The following PFKFB2 variants were observed in gnomAD, a reference collection of about 807,000 sequenced individuals.
PFKFB2 encodes 6-phosphofructo-2-kinase/fructose-2,6-biphosphatase 2.
Under a neutral mutation model 68.0 loss-of-function variants are expected in PFKFB2, and 53 were observed. The observed-to-expected ratio is 0.78, with a 90% CI of 0.63 to 0.98. The LOEUF is 0.98. PFKFB2 is among the 50% of genes least tolerant of loss of function. The pLI is 0.00. For synonymous variants in PFKFB2, 222 were observed against 227.6 expected (o/e 0.98, Z 0.22); for missense variants, 451 against 642.0 (o/e 0.70, Z 3.22).
intron 2 of PFKFB2, 35 bp from the exon 3 acceptor site, chr1:207,061,918 G>A (rs771938973): frequency 6.3e-7 from 1 of 1,582,690 alleles, no homozygotes; most frequent in South Asian, 1.1e-5. Context: ...TAGGACTCTA[G>A]TCATTTCGTT....
At chr1:207,071,706 T>C in intron 14 of PFKFB2, 133 bp downstream of exon 14, 1 of 656,654 alleles carries the variant, frequency 1.5e-6, no homozygotes, top group South Asian at 1.9e-5. Flanking sequence ...CAAATGTAGT[T>C]TGCTACGTCT....
downstream of PFKFB2, chr1:207,079,048 C>T (rs907408412): frequency 1.3e-6 from 2 of 1,572,438 alleles, no homozygotes; most frequent in African/African-American, 1.3e-5. Flanking sequence ...CTCACCTCTC[C>T]AAACGACTGG....
At chr1:207,049,747 G>A (rs766907817), upstream of PFKFB2, 26 of 1,578,992 alleles carry the variant, frequency 1.6e-5, no homozygotes, top group Middle Eastern at 1.7e-4. Flanking sequence ...AACAAATCCC[G>A]ATCTGCAAAG....
chr1:207,035,459 G>A (rs1682357221), intron 1 of PFKFB2, among the ~76,000 whole-genome samples: 1 of 152,152 alleles, frequency 6.6e-6, no homozygotes, highest in African/African-American at 2.4e-5. Context: ...TTGGAGACCA[G>A]CCTGGGCAAC....
chr1:207,047,687 G>A (rs1682632116), intron 2 of PFKFB2: 1 of 152,630 alleles, frequency 6.6e-6, no homozygotes, highest in Non-Finnish European at 1.5e-5. Context: ...TAGAGGGTGT[G>A]CCTTGCGGAT....
At chr1:207,052,259 AT>A (rs748199667), upstream of PFKFB2, 1,490 of 1,576,526 alleles carry the variant, frequency 9.5e-4, 1 homozygote, top group Non-Finnish European at 1.1e-3. Flanking sequence ...TCATGACTCA[AT>A]TTTTTTTTGC....
In PFKFB2 at chr1:207,075,940, AG is replaced by A; in HGVS notation, c.*3572del. The A allele has an allele frequency of 1.0e-6, 1 of 985,326 alleles. No homozygotes were observed. The highest frequency in any genetic ancestry group is 1.2e-6 in the Non-Finnish European group (1 of 829,826). The allele number at this position is 985,326 out of a possible 1,614,324, so 61.0% of individuals were successfully genotyped here. A position where few individuals can be genotyped will look rare whatever the true frequency, so the allele number is the denominator to read the frequency against. ...CTGTATTGTTGTTTTGTTTTGGTAA[AG>A]GGATGATTTTTACATTGAGTTTTAA... On this transcript the variant is annotated 3_prime_UTR_variant, in exon 15 of 15. Coordinates refer to ENST00000367080, the MANE Select transcript of PFKFB2 (RefSeq NM_006212.2).
intron 1 of PFKFB2, among the ~76,000 whole-genome samples, chr1:207,039,395 G>T (rs1247451311): frequency 6.6e-6 from 1 of 152,126 alleles, no homozygotes; most frequent in African/African-American, 2.4e-5. Flanking sequence ...CTACATAACA[G>T]ACTCTAAAAA....
At chr1:207,061,171 A>ATCTT (rs1193954379) in intron 2 of PFKFB2, among the ~76,000 whole-genome samples, 1 of 58,718 alleles carries the variant, frequency 1.7e-5, no homozygotes, top group African/African-American at 1.0e-4. Flanking sequence ...ATCTTTATAT[A>ATCTT]TATATATATA....
intron 10 of PFKFB2, among the ~76,000 whole-genome samples, chr1:207,068,996 T>C (rs1683388315): frequency 6.6e-6 from 1 of 152,192 alleles, no homozygotes; most frequent in South Asian, 2.1e-4. Flanking sequence ...CCACCCGCCT[T>C]GGCCACCCAA....
intron 8 of PFKFB2, among the ~76,000 whole-genome samples, chr1:207,066,470 C>A (rs1683290948): frequency 1.3e-5 from 2 of 152,128 alleles, no homozygotes; most frequent in African/African-American, 4.8e-5. Flanking sequence ...AGGCTGAAAA[C>A]CACCTCTAGA....
rs1683575266 is a variant in PFKFB2 at position 207,074,687 on chromosome 1, C to T, written c.*2316C>T. ...CTTAGTGTCTTTGTGGAGCTTTGGG[C>T]TGGTAGGGGCAGGGATAGGGGAAAG... is the stretch of plus-strand genomic sequence containing the variant. On this transcript the variant is annotated 3_prime_UTR_variant, in exon 15 of 15. Transcript: ENST00000367080. The T allele has an allele frequency of 1.0e-6, 1 of 985,324 alleles. No individual in the cohort carries two copies. Among genetic ancestry groups the T allele is most frequent in the African/African-American group, 1.7e-5 (1 of 57,326 alleles). The allele number at this position is 985,324 out of a possible 1,614,324, so 61.0% of individuals were successfully genotyped here.
chr1:207,053,903 C>CTT (rs1682831521), intron 1 of PFKFB2, among the ~76,000 whole-genome samples: 2 of 114,838 alleles, frequency 1.7e-5, no homozygotes, highest in Admixed American at 9.2e-5. Flanking sequence ...TTTCATTTTT[C>CTT]ATTTTTTTTT....
chr1:207,079,677 A>G (rs1683714132), downstream of PFKFB2: 2 of 152,260 alleles, frequency 1.3e-5, no homozygotes, highest in African/African-American at 4.8e-5. Context: ...CAAAATGGGT[A>G]CCCATCTTCT....
chr1:207,049,203 A>G, upstream of PFKFB2: 1 of 1,614,114 alleles, frequency 6.2e-7, no homozygotes, highest in Non-Finnish European at 8.5e-7. Context: ...TATCATCATT[A>G]GAGGAGAAAA....
At chr1:207,038,915 A>G (rs1682429917) in intron 1 of PFKFB2, among the ~76,000 whole-genome samples, 1 of 152,220 alleles carries the variant, frequency 6.6e-6, no homozygotes, top group Non-Finnish European at 1.5e-5. Context: ...AATGTTTATT[A>G]AATGAATTAA....
Position 207,063,490 on chromosome 1 carries a change from T to C in PFKFB2, c.450+69T>C. The C allele has an allele frequency of 9.7e-7, 1 of 1,033,474 alleles. No individual in the cohort carries two copies. The highest frequency in any genetic ancestry group is 1.5e-6 in the Non-Finnish European group (1 of 665,156). The allele number at this position is 1,033,474 out of a possible 1,614,324, so 64.0% of individuals were successfully genotyped here. ...TGGGGAGTCAGGCTACAGGCATGGATCTCTCACTCTAGTGGGTGAGGACAG... is the reference window on the plus strand; with the variant it reads ...TGGGGAGTCAGGCTACAGGCATGGACCTCTCACTCTAGTGGGTGAGGACAG... On this transcript the variant is annotated intron_variant, in intron 6 of 14. Transcript: ENST00000367080. This position sits in a 1 kb window ranked among gnomAD's most constrained non-coding sequence, Gnocchi z 4.1.
At position 207,042,549 on chromosome 1, in the gene PFKFB2, C is replaced by CAAAAAAAAAA. The variant is rs57077682; in HGVS notation, c.-18+360_-18+369dup. ...GGCGACACAGCAACACTCTGTCTCA[C>CAAAAAAAAAA]AAAAAAAAAAAAAAAAAAAAAAAAA... On this transcript the variant is annotated intron_variant, in intron 2 of 5. Transcript: ENST00000545806. Among the ~76,000 whole-genome samples the CAAAAAAAAAA allele has an allele frequency of 4.8e-3, 213 of 44,702 alleles. 41 individuals carry two copies. Among genetic ancestry groups the CAAAAAAAAAA allele is most frequent in the Non-Finnish European group, 5.2e-3 (122 of 23,620 alleles). The allele number at this position is 44,702 out of a possible 152,430, so 29.3% of individuals were successfully genotyped here.
intron 2 of PFKFB2, among the ~76,000 whole-genome samples, chr1:207,042,805 ATTT>A (rs1022165083): frequency 2.6e-5 from 4 of 152,026 alleles, no homozygotes; most frequent in African/African-American, 9.7e-5. Flanking sequence ...CAACGTTAGG[ATTT>A]TTTGGCTTGT....
Sources: allele counts gnomAD v4.1 joint callset (sites outside exome capture counted in the v4.1 genomes callset), GRCh38; gene constraint gnomAD v4.1.1; non-coding constraint Gnocchi (gnomAD v3.1); transcripts MANE v1.5; gene names NCBI Gene and HGNC (gene_info 2026-07-23, HGNC 2026-07-21).